Variants in DLC1 observed in about 807,000 individuals in gnomAD.
DLC1 encodes the protein rho GTPase-activating protein 7.
A neutral mutation model predicts 140.3 loss-of-function variants in DLC1; 54 were observed. The ratio of observed to expected loss-of-function variants is 0.38; its 90% confidence interval spans 0.31 to 0.48. The LOEUF is 0.48. DLC1 is among the 20% of genes least tolerant of loss of function. The pLI is 0.96. For synonymous variants in DLC1, 986 were observed against 728.1 expected, an observed-to-expected ratio of 1.35 and a Z score of -5.70; for missense variants, 2,536 against 1,907.0, an observed-to-expected ratio of 1.33 and a Z score of -6.14.
At chr8:13,153,532 T>G (rs979099570) in intron 5 of DLC1, among the ~76,000 whole-genome samples, 1 of 152,356 alleles carries the variant, frequency 6.6e-6, no homozygotes, top group Admixed American at 6.5e-5. Flanking sequence ...TCCAGCAGCC[T>G]GCTCTTATTC....
At chr8:13,534,574 A>G (rs1018581433) in intron 1 of DLC1, among the ~76,000 whole-genome samples, 13 of 152,118 alleles carry the variant, frequency 8.5e-5, no homozygotes, top group African/African-American at 2.9e-4. Flanking sequence ...AAGCAGAGAT[A>G]TCTCTTTGCT....
intron 4 of DLC1, among the ~76,000 whole-genome samples, chr8:13,319,898 C>G (rs1156713236): frequency 1.6e-5 from 2 of 123,032 alleles, no homozygotes; most frequent in Non-Finnish European, 3.2e-5. Context: ...TCTTGGTTCA[C>G]TGCACCCTCC....
At position 13,169,530 on chromosome 8, in the gene DLC1, A is replaced by G. The variant is rs919026847; in HGVS notation, c.1349-53873T>C. Among the ~76,000 whole-genome samples, 15 of 152,192 alleles carry G rather than the reference A, an allele frequency of 9.9e-5. No individual in the cohort carries two copies. The East Asian group carries it at 1.2e-3, about 12-fold the overall frequency. ...GCTTTTTTTCCTAATAAAAACCACT[A>G]TTGGTCAAGTGAGGGGGTACTTAGG... On this transcript the variant is annotated intron_variant, in intron 5 of 17. Transcript: ENST00000276297.
chr8:13,098,664 G>A lies in DLC1; in HGVS notation c.2991-89C>T, dbSNP rs543562301. On this transcript the variant is annotated intron_variant, in intron 9 of 17. Transcript: ENST00000276297. Reference sequence around the variant, plus strand: ...TTTTTCTTGCTCTGTTGCCCAGGCTGGAGTGCAGTGGTGCCATCACAGCTC... The same window carrying A: ...TTTTTCTTGCTCTGTTGCCCAGGCTAGAGTGCAGTGGTGCCATCACAGCTC... 1.2e-3 allele frequency: 1,612 copies of A among 1,364,270 alleles called. 3 individuals are homozygous for A. The highest frequency in any genetic ancestry group is 1.5e-3 in the Non-Finnish European group (1,529 of 1,019,606). 84.5% of individuals were successfully genotyped at this position (1,364,270 alleles called of 1,614,324 possible). A position where few individuals can be genotyped will look rare whatever the true frequency, so the allele number is the denominator to read the frequency against.
At chr8:13,306,725 C>A (rs1184108302) in intron 4 of DLC1, among the ~76,000 whole-genome samples, 1 of 151,974 alleles carries the variant, frequency 6.6e-6, no homozygotes, top group Non-Finnish European at 1.5e-5. Flanking sequence ...AGATCTTCAC[C>A]TTTGGGATTT....
chr8:13,441,460 G>T (rs146355044), intron 2 of DLC1, among the ~76,000 whole-genome samples: 1 of 152,120 alleles, frequency 6.6e-6, no homozygotes, highest in African/African-American at 2.4e-5. Context: ...CTAGAAAACC[G>T]CATCGTCACA....
chr8:13,448,469 C>T (rs1005366329), intron 2 of DLC1, among the ~76,000 whole-genome samples: 1 of 151,516 alleles, frequency 6.6e-6, no homozygotes. Flanking sequence ...TTCAAGTGAT[C>T]CTCCTGCCTC....
chr8:13,188,803 A>ATATATATATATATATATATATATATG (rs1826547105), intron 5 of DLC1, among the ~76,000 whole-genome samples: 1 of 41,414 alleles, frequency 2.4e-5, no homozygotes, highest in Non-Finnish European at 4.5e-5. Flanking sequence ...GTGTGTGTGT[A>ATATATATATATATATATATATATATG]TATATATATA....
At chr8:13,154,199 C>T (rs1018272744) in intron 5 of DLC1, among the ~76,000 whole-genome samples, 3 of 152,244 alleles carry the variant, frequency 2.0e-5, no homozygotes, top group African/African-American at 4.8e-5. Flanking sequence ...CGTGCCAGGG[C>T]CGCACCAGGT....
At chr8:13,411,357 G>T (rs1585060980) in intron 2 of DLC1, among the ~76,000 whole-genome samples, 1 of 152,170 alleles carries the variant, frequency 6.6e-6, no homozygotes, top group East Asian at 1.9e-4. Flanking sequence ...TTCTGGAGAG[G>T]CAAAACTATG....
chr8:13,526,619 A>C (rs1221683499), intron 1 of DLC1, among the ~76,000 whole-genome samples: 1 of 152,132 alleles, frequency 6.6e-6, no homozygotes, highest in Non-Finnish European at 1.5e-5. Flanking sequence ...CATGTCCTTT[A>C]TAGGGACATG....
chr8:13,510,496 G>A (rs1585226537), intron 1 of DLC1, among the ~76,000 whole-genome samples: 2 of 152,020 alleles, frequency 1.3e-5, no homozygotes, highest in African/African-American at 4.8e-5. Flanking sequence ...TGATTATACT[G>A]TATGCAAAAC....
In DLC1 at chr8:13,260,792, G is replaced by T. The variant is rs11988598; in HGVS notation, c.1348+44477C>A. On this transcript the variant is annotated intron_variant, in intron 5 of 17. Coordinates refer to ENST00000276297, the MANE Select transcript of DLC1 (RefSeq NM_182643.3). ...AGAAAAAAATGTATGTGATACATAAGGGAGGGGTAACTGATTCAAATAGCT... is the reference window on the plus strand; with the variant it reads ...AGAAAAAAATGTATGTGATACATAATGGAGGGGTAACTGATTCAAATAGCT... Among the ~76,000 whole-genome samples, 693 of 152,270 alleles carry T rather than the reference G, an allele frequency of 4.6e-3. 9 individuals are homozygous for T. The highest frequency in any genetic ancestry group is 0.016 in the African/African-American group (667 of 41,570).
At chr8:13,423,822 A>G (rs387051) in intron 2 of DLC1, among the ~76,000 whole-genome samples, 147,676 of 152,248 alleles carry the variant, frequency 0.97, 71,776 homozygotes, top group East Asian at 1. Context: ...CTTCTCTTTA[A>G]AACAATTTAA....
At chr8:13,289,830 T>C (rs1335233573) in intron 5 of DLC1, among the ~76,000 whole-genome samples, 1 of 152,216 alleles carries the variant, frequency 6.6e-6, no homozygotes, top group Non-Finnish European at 1.5e-5. Context: ...AGCCCCATTC[T>C]CTTTTTGTCT....
At chr8:13,270,051 C>T (rs1335757016) in intron 5 of DLC1, among the ~76,000 whole-genome samples, 3 of 145,758 alleles carry the variant, frequency 2.1e-5, no homozygotes, top group Admixed American at 6.9e-5. Flanking sequence ...AGAGAGACTC[C>T]GTCTCAAAAA....
At chr8:13,402,532 T>C (rs1054025866) in intron 2 of DLC1, among the ~76,000 whole-genome samples, 1 of 152,230 alleles carries the variant, frequency 6.6e-6, no homozygotes, top group African/African-American at 2.4e-5. Context: ...CATGCAGTGT[T>C]GGCTCTTTTG....
intron 4 of DLC1, among the ~76,000 whole-genome samples, chr8:13,352,541 C>G (rs555396781): frequency 6.6e-6 from 1 of 152,058 alleles, no homozygotes; most frequent in Admixed American, 6.6e-5. Context: ...ACCACCATGC[C>G]TGACTCATTT....
chr8:13,088,852 A>G, intron 15 of DLC1, 148 bp from the exon 16 acceptor site: 1 of 614,796 alleles, frequency 1.6e-6, no homozygotes, highest in Non-Finnish European at 2.7e-6. Context: ...TAATCAGTAT[A>G]TAAAGAAATA....
Sources: allele counts gnomAD v4.1 joint callset (sites outside exome capture counted in the v4.1 genomes callset), GRCh38; gene constraint gnomAD v4.1.1; transcripts MANE v1.5; gene names NCBI Gene and HGNC (gene_info 2026-07-23, HGNC 2026-07-21).